INTS15: variants seen among roughly 807,000 people sequenced by gnomAD.
INTS15 encodes the protein integrator complex subunit 15.
chr7:6,595,247 G>C, the INTS15 span, among the ~76,000 whole-genome samples: 2 of 152,084 alleles, frequency 1.3e-5, no homozygotes, highest in Non-Finnish European at 2.9e-5. Context: ...GTCCAGGTTG[G>C]TCTTGAACCC....
the INTS15 span, among the ~76,000 whole-genome samples, chr7:6,603,395 A>G: frequency 2.6e-5 from 4 of 151,854 alleles, no homozygotes; most frequent in Admixed American, 2.0e-4. Flanking sequence ...TAAAAATACA[A>G]AATTAGCCAG....
the INTS15 span, chr7:6,607,440 G>A: frequency 1.2e-6 from 1 of 867,772 alleles, no homozygotes; most frequent in Non-Finnish European, 1.6e-6. This position sits in a 1 kb window ranked among gnomAD's most constrained non-coding sequence, Gnocchi z 6.0. Context: ...TGCGCGGGGC[G>A]GGGTGGGAGG....
chr7:6,599,211 C>G, the INTS15 span, among the ~76,000 whole-genome samples: 16 of 152,300 alleles, frequency 1.1e-4, no homozygotes, highest in African/African-American at 3.6e-4. Flanking sequence ...GCGTTGAGAC[C>G]TGTGCCGGGC....
the INTS15 span, among the ~76,000 whole-genome samples, chr7:6,598,488 C>CACACAGG: frequency 7.8e-6 from 1 of 128,524 alleles, no homozygotes; most frequent in Non-Finnish European, 1.7e-5. Flanking sequence ...AAAAAAAAGG[C>CACACAGG]ACACAGGACA....
At chr7:6,595,222 G>T in the INTS15 span, among the ~76,000 whole-genome samples, 2 of 152,140 alleles carry the variant, frequency 1.3e-5, no homozygotes, top group Non-Finnish European at 2.9e-5. Flanking sequence ...TATAGAGACA[G>T]GGTTTCGCCA....
chr7:6,601,181 G>C, the INTS15 span, among the ~76,000 whole-genome samples: 1 of 152,154 alleles, frequency 6.6e-6, no homozygotes, highest in East Asian at 1.9e-4. Context: ...ATCTTGTCCA[G>C]GCTGGTTTCA....
chr7:6,596,859 C>G, the INTS15 span, among the ~76,000 whole-genome samples: 1 of 151,626 alleles, frequency 6.6e-6, no homozygotes, highest in East Asian at 2.0e-4. Context: ...CTCGACTCAA[C>G]TGCAAGCTCC....
chr7:6,607,366 G>T, the INTS15 span, among the ~76,000 whole-genome samples: 3 of 150,398 alleles, frequency 2.0e-5, no homozygotes, highest in African/African-American at 7.3e-5. This position sits in a 1 kb window ranked among gnomAD's most constrained non-coding sequence, Gnocchi z 6.0. Flanking sequence ...GCTGTTCTCG[G>T]AGCCCCGGTG....
At chr7:6,598,990 G>T in the INTS15 span, among the ~76,000 whole-genome samples, 1 of 152,012 alleles carries the variant, frequency 6.6e-6, no homozygotes, top group Non-Finnish European at 1.5e-5. Context: ...GTCTCACTAT[G>T]TTTCCAGGGC....
At chr7:6,602,129 G>T in the INTS15 span, 9 of 1,613,098 alleles carry the variant, frequency 5.6e-6, no homozygotes, top group Middle Eastern at 5.0e-4. Context: ...GCTCCAGGCT[G>T]CCCCATAATA....
chr7:6,599,784 C>T, the INTS15 span: 4 of 1,581,412 alleles, frequency 2.5e-6, no homozygotes, highest in Non-Finnish European at 1.7e-6. Context: ...CCGCCCCTGT[C>T]CTCGAGGCCA....
the INTS15 span, among the ~76,000 whole-genome samples, chr7:6,597,062 A>G: frequency 6.6e-6 from 1 of 152,344 alleles, no homozygotes; most frequent in South Asian, 2.1e-4. Context: ...TACAGGCGTG[A>G]GCCACTGTGC....
At chr7:6,597,156 C>G in the INTS15 span, among the ~76,000 whole-genome samples, 18 of 152,174 alleles carry the variant, frequency 1.2e-4, no homozygotes, top group African/African-American at 1.7e-4. Flanking sequence ...AGCAGGGCCA[C>G]GCTGCTGCAG....
chr7:6,608,083 C>CCCCCCCCCCCCCCCCG, the INTS15 span: 2 of 1,542,812 alleles, frequency 1.3e-6, no homozygotes, highest in Non-Finnish European at 1.8e-6. Flanking sequence ...CCCACCCCGC[C>CCCCCCCCCCCCCCCCG]GCCCACCCCG....
the INTS15 span, among the ~76,000 whole-genome samples, chr7:6,596,771 A>G: frequency 6.6e-6 from 1 of 151,212 alleles, no homozygotes; most frequent in African/African-American, 2.4e-5. Flanking sequence ...TTCGTACGCT[A>G]ATTTCTTTCT....
chr7:6,596,495 C>T, the INTS15 span, among the ~76,000 whole-genome samples: 102 of 148,038 alleles, frequency 6.9e-4, 2 homozygotes, highest in South Asian at 0.02. Context: ...TCTCTTTCCT[C>T]AGCCTCCCGA....
chr7:6,597,812 C>A, the INTS15 span, among the ~76,000 whole-genome samples: 1 of 152,228 alleles, frequency 6.6e-6, no homozygotes, highest in African/African-American at 2.4e-5. Context: ...CCCTGGAAGT[C>A]ACCATCCGAA....
the INTS15 span, among the ~76,000 whole-genome samples, chr7:6,596,076 G>C: frequency 1.3e-5 from 2 of 150,032 alleles, no homozygotes; most frequent in Admixed American, 1.3e-4. Context: ...TTTTGAGACA[G>C]AGTCTCCCTC....
the INTS15 span, among the ~76,000 whole-genome samples, chr7:6,601,247 C>G: frequency 6.6e-6 from 1 of 151,646 alleles, no homozygotes; most frequent in South Asian, 2.1e-4. Flanking sequence ...GCTAGGATTA[C>G]CACTCTGCCT....
Sources: gnomAD v4.1 joint callset for allele counts (sites outside exome capture counted in the v4.1 genomes callset) on GRCh38, gnomAD v4.1.1 for gene constraint, Gnocchi (gnomAD v3.1) non-coding constraint, MANE v1.5 for transcripts, NCBI Gene and HGNC (gene_info 2026-07-23, HGNC 2026-07-21) for gene names.